WNK1: variants seen among roughly 807,000 people sequenced by gnomAD.
The protein encoded by WNK1 is serine/threonine-protein kinase WNK1.
In WNK1, 38 loss-of-function variants were observed where a neutral mutation model predicts 222.8. The ratio of observed to expected loss-of-function variants is 0.17; its 90% CI spans 0.13 to 0.22. The LOEUF (loss-of-function observed/expected upper bound fraction) is 0.22, where lower values mean the gene tolerates loss of function less well. Among genes scored for constraint, WNK1 ranks in the 10% least tolerant of loss-of-function variants. WNK1 has a pLI of 1.00. For missense variants in WNK1, 2,348 were observed against 2,918.4 expected, an observed-to-expected ratio of 0.80 and a Z score of 4.50; for synonymous variants, 1,090 against 1,092.9, an observed-to-expected ratio of 1.00 and a Z score of 0.05.
At chr12:899,532 C>T (rs191304427) in intron 25 of WNK1, among the ~76,000 whole-genome samples, 1 of 152,310 alleles carries the variant, frequency 6.6e-6, no homozygotes, top group East Asian at 1.9e-4. Context: ...ATCCGCCCGC[C>T]TCAGCCTCCC....
chr12:767,104 C>T (rs1224667854), intron 1 of WNK1, among the ~76,000 whole-genome samples: 2 of 151,798 alleles, frequency 1.3e-5, no homozygotes, highest in Admixed American at 6.6e-5. Flanking sequence ...TAAAATAGTT[C>T]ATTGTGGTCA....
chr12:782,011 T>C (rs904845875), intron 1 of WNK1, among the ~76,000 whole-genome samples: 24 of 152,216 alleles, frequency 1.6e-4, no homozygotes, highest in Non-Finnish European at 5.9e-5. Context: ...CTTCTAAGGC[T>C]TTTTCTTCAT....
intron 27 of WNK1, chr12:908,273 C>T (rs1565624570): frequency 2.7e-6 from 2 of 739,174 alleles, no homozygotes; most frequent in Admixed American, 2.3e-5. Flanking sequence ...CAACTACACA[C>T]ACACAGACAC....
chr12:757,852 A>G (rs1271097429), intron 1 of WNK1, among the ~76,000 whole-genome samples: 1 of 146,622 alleles, frequency 6.8e-6, no homozygotes, highest in African/African-American at 2.4e-5. Flanking sequence ...CCTGGCCAAC[A>G]TGGCGAAACC....
rs560731061 is a variant in WNK1 at position 836,354 on chromosome 12, A to C, written c.1311+6194A>C. Among the ~76,000 whole-genome samples, 4 of 152,330 alleles carry C rather than the reference A, an allele frequency of 2.6e-5. No individual in the cohort carries two copies. The East Asian group carries it at 7.7e-4, about 29-fold the overall frequency. On this transcript the variant is annotated intron_variant, in intron 4 of 27. Transcript: ENST00000315939. ...CAGGCCTACTAAGGTTGCGAAAAAC[A>C]AATCTGTTGAAATTATATAAGAAAG...
intron 8 of WNK1, chr12:867,678 A>T (rs536663652): frequency 1.5e-6 from 1 of 650,244 alleles, no homozygotes; most frequent in East Asian, 2.8e-5. Flanking sequence ...GATTGATTTC[A>T]TTGGCCCTGG....
At chr12:904,835 C>T (rs867796968) in intron 26 of WNK1, among the ~76,000 whole-genome samples, 28 of 152,226 alleles carry the variant, frequency 1.8e-4, no homozygotes, top group Non-Finnish European at 3.1e-4. Context: ...TCAGCAGTGA[C>T]GAAAGCATAC....
intron 19 of WNK1, among the ~76,000 whole-genome samples, chr12:886,902 A>G (rs1953711702): frequency 6.6e-6 from 1 of 152,216 alleles, no homozygotes; most frequent in African/African-American, 2.4e-5. Flanking sequence ...ATACTGTACC[A>G]AATAAGTAGC....
chr12:843,154 C>T lies in WNK1; in HGVS notation c.1311+12994C>T, dbSNP rs1339040063. ...GTTTTACCGTGTTAGTCAGGCTGTT[C>T]TGGAACTCCTGAGGTCAAGTGATCC... On this transcript the variant is annotated intron_variant, in intron 4 of 27. Transcript: ENST00000315939. Among the ~76,000 whole-genome samples the T allele has an allele frequency of 2.6e-5, 4 of 152,260 alleles. No homozygotes were observed. The South Asian group carries it at 6.2e-4, about 24-fold the overall frequency.
At position 871,313 on chromosome 12, in the gene WNK1, G is replaced by GT; in HGVS notation, c.2191dup (p.Ser731PhefsTer37). 6.2e-7 allele frequency: 1 copy of GT among 1,614,108 alleles called. No individual in the cohort carries two copies. The highest frequency in any genetic ancestry group is 8.5e-7 in the Non-Finnish European group (1 of 1,180,028). The stretch of plus-strand genomic sequence containing the variant: ...GCCATCCTCAAGTAGCTTAACAGGG[G>GT]TTTCATCTTCCCAACCCATACAACA... On this transcript the variant is annotated frameshift_variant, in exon 9 of 28. Transcript: ENST00000315939. LOFTEE classifies it high-confidence loss of function.
At chr12:804,183 C>T (rs1210575796) in intron 1 of WNK1, among the ~76,000 whole-genome samples, 1 of 152,028 alleles carries the variant, frequency 6.6e-6, no homozygotes, top group Non-Finnish European at 1.5e-5. Flanking sequence ...CCCTGCCTCC[C>T]CTGTCCTGAA....
At chr12:871,215 C>T in intron 8 of WNK1, 50 bp from the exon 9 acceptor site, 1 of 1,545,872 alleles carries the variant, frequency 6.5e-7, no homozygotes, top group South Asian at 1.1e-5. Context: ...GACCTCTATA[C>T]ACTTACTTTA....
intron 22 of WNK1, among the ~76,000 whole-genome samples, chr12:891,883 T>C (rs754559446): frequency 1.3e-5 from 2 of 151,820 alleles, no homozygotes; most frequent in South Asian, 2.1e-4. Flanking sequence ...AGCTATGGTT[T>C]TGCCACTGCA....
chr12:861,936 C>T lies in WNK1; in HGVS notation c.1952-147C>T, dbSNP rs529990780. 91 of 893,104 alleles carry T rather than the reference C, an allele frequency of 1.0e-4. 1 individual carries two copies. The Admixed American group carries it at 1.8e-3, about 18-fold the overall frequency. 55.3% of individuals were successfully genotyped at this position (893,104 alleles called of 1,614,324 possible). A position where few individuals can be genotyped will look rare whatever the true frequency, so the allele number is the denominator to read the frequency against. Reference sequence around the variant, plus strand: ...TATAGAAATCTACTGAATATGGCTACAATTCATTTTTTATTTAGTTCAAAT... The same window carrying T: ...TATAGAAATCTACTGAATATGGCTATAATTCATTTTTTATTTAGTTCAAAT... On this transcript the variant is annotated intron_variant, in intron 7 of 27. Transcript: ENST00000315939.
chr12:824,996 G>C (rs780631257), intron 2 of WNK1, among the ~76,000 whole-genome samples: 4 of 151,994 alleles, frequency 2.6e-5, no homozygotes, highest in Non-Finnish European at 5.9e-5. Context: ...AAACCCTTCA[G>C]TATGCATTTC....
rs55907924 is a variant in WNK1, at chr12:897,443, A to T, written c.6246-36A>T. ...AATTCTTGTCTGAATGAAGAGGATTATGGTATTTTGAATTATGTTTGGTTA... is the reference window on the plus strand; with the variant it reads ...AATTCTTGTCTGAATGAAGAGGATTTTGGTATTTTGAATTATGTTTGGTTA... On this transcript the variant is annotated intron_variant, in intron 24 of 27. Transcript: ENST00000315939. 5.1e-3 allele frequency: 6,428 copies of T among 1,268,948 alleles called. 27 individuals carry two copies. The highest frequency in any genetic ancestry group is 6.4e-3 in the Non-Finnish European group (5,503 of 865,322). 78.6% of individuals were successfully genotyped at this position (1,268,948 alleles called of 1,614,324 possible). A position where few individuals can be genotyped will look rare whatever the true frequency, so the allele number is the denominator to read the frequency against.
intron 1 of WNK1, among the ~76,000 whole-genome samples, chr12:792,752 C>T (rs1387353496): frequency 1.3e-5 from 2 of 152,068 alleles, no homozygotes; most frequent in African/African-American, 4.8e-5. Flanking sequence ...TACTCCTTTG[C>T]CCAGAGGCAA....
intron 4 of WNK1, among the ~76,000 whole-genome samples, chr12:846,029 A>T (rs1362301060): frequency 2.0e-5 from 3 of 152,274 alleles, no homozygotes; most frequent in African/African-American, 7.2e-5. Context: ...AAATAATAGT[A>T]GTCAGAAACC....
At chr12:817,657 G>A (rs2154016800) in intron 2 of WNK1, among the ~76,000 whole-genome samples, 1 of 152,270 alleles carries the variant, frequency 6.6e-6, no homozygotes, top group South Asian at 2.1e-4. Context: ...TTTGGATTAA[G>A]GCCAGGCGTG....
Sources: gnomAD v4.1 joint callset for allele counts (sites outside exome capture counted in the v4.1 genomes callset) on GRCh38, gnomAD v4.1.1 for gene constraint, MANE v1.5 for transcripts, NCBI Gene and HGNC (gene_info 2026-07-23, HGNC 2026-07-21) for gene names.